The following ULK4 variants were observed in gnomAD, a reference collection of about 807,000 sequenced individuals.
The protein encoded by ULK4 is inactive serine/threonine-protein kinase ULK4.
A neutral mutation model predicts 160.6 loss-of-function variants in ULK4; 133 were observed. That is an observed-to-expected ratio of 0.83 (90% CI 0.72 to 0.96). The LOEUF (loss-of-function observed/expected upper bound fraction) is 0.96. Ranked by LOEUF, ULK4 falls within the 40% of genes least tolerant of loss-of-function variation. ULK4 has a pLI of 0.00. For missense variants in ULK4, 1,580 were observed against 1,499.5 expected (o/e 1.05, Z -0.89); for synonymous variants, 534 against 539.8 (o/e 0.99, Z 0.15).
chr3:41,826,052 C>A (rs1158686747), intron 18 of ULK4, among the ~76,000 whole-genome samples: 1 of 152,062 alleles, frequency 6.6e-6, no homozygotes, highest in Non-Finnish European at 1.5e-5. Flanking sequence ...TCATATCCAG[C>A]CAAACTAAGC....
At chr3:41,946,026 AAG>A (rs1212028580) in intron 2 of ULK4, among the ~76,000 whole-genome samples, 1 of 72,820 alleles carries the variant, frequency 1.4e-5, no homozygotes, top group African/African-American at 2.8e-5. Flanking sequence ...AGTGGGAAGA[AAG>A]AGACGGGCAG....
chr3:41,433,369 T>C (rs2082957484), intron 34 of ULK4, among the ~76,000 whole-genome samples: 1 of 152,196 alleles, frequency 6.6e-6, no homozygotes. Flanking sequence ...AGACAATCTT[T>C]TGATGAGAAT....
intron 36 of ULK4, 58 bp from the exon 37 acceptor site, chr3:41,247,050 C>T: frequency 1.9e-6 from 3 of 1,554,296 alleles, no homozygotes; most frequent in Non-Finnish European, 2.6e-6. Context: ...AAAGTGCTCC[C>T]CCCTTTCAAA....
At chr3:41,478,186 A>C (rs938471000) in intron 32 of ULK4, among the ~76,000 whole-genome samples, 1 of 152,162 alleles carries the variant, frequency 6.6e-6, no homozygotes, top group Admixed American at 6.5e-5. Context: ...GAAGGACATC[A>C]AACACATTTA....
At chr3:41,652,643 A>G (rs1052463870) in intron 30 of ULK4, among the ~76,000 whole-genome samples, 1 of 152,226 alleles carries the variant, frequency 6.6e-6, no homozygotes, top group Non-Finnish European at 1.5e-5. Flanking sequence ...AGTAGTGAAA[A>G]GCAGAAAGAG....
intron 35 of ULK4, among the ~76,000 whole-genome samples, chr3:41,280,956 A>G (rs2079340105): frequency 6.6e-6 from 1 of 152,198 alleles, no homozygotes; most frequent in South Asian, 2.1e-4. Context: ...AGATACAATA[A>G]AAAATGATAA....
Position 41,353,704 on chromosome 3 carries a change from ACTACTACTACTACT to A in ULK4, c.3678+44361_3678+44374del, listed in dbSNP as rs1559540418. On this transcript the variant is annotated intron_variant, in intron 35 of 36. Coordinates refer to ENST00000301831, the MANE Select transcript of ULK4 (RefSeq NM_017886.4). ...AATAATAATAATAATTACAATTACT[ACTACTACTACTACT>A]ACTACTACTACTACTACTACTACTA... 6.3e-3 allele frequency among the ~76,000 whole-genome samples: 316 copies of A among 49,978 alleles called. 1 individual carries two copies. In the East Asian group the frequency reaches 0.087, roughly 14 times the overall value. 32.8% of individuals were successfully genotyped at this position (49,978 alleles called of 152,430 possible). A position where few individuals can be genotyped will look rare whatever the true frequency, so the allele number is the denominator to read the frequency against.
At chr3:41,454,965 A>G (rs2083510702) in intron 34 of ULK4, among the ~76,000 whole-genome samples, 1 of 152,054 alleles carries the variant, frequency 6.6e-6, no homozygotes, top group South Asian at 2.1e-4. Context: ...CCAAAGTGCT[A>G]GGCTAAAACT....
intron 30 of ULK4, among the ~76,000 whole-genome samples, chr3:41,661,976 T>C (rs1431248279): frequency 6.6e-6 from 1 of 152,124 alleles, no homozygotes; most frequent in Non-Finnish European, 1.5e-5. Flanking sequence ...AAACGTGACA[T>C]GTGGAATGAG....
At chr3:41,851,977 A>C (rs892100224) in intron 17 of ULK4, among the ~76,000 whole-genome samples, 1 of 152,190 alleles carries the variant, frequency 6.6e-6, no homozygotes, top group African/African-American at 2.4e-5. Flanking sequence ...TTTTGGAAAG[A>C]TCAACAAAAT....
rs567716659 is a variant in ULK4 at position 41,622,747 on chromosome 3, C to T, written c.3072-7030G>A. On this transcript the variant is annotated intron_variant, in intron 30 of 36. Coordinates refer to ENST00000301831, the MANE Select transcript of ULK4 (RefSeq NM_017886.4). ...AAACTTGCATGTTCTGCACATGTAC[C>T]CCCAAACTTAAAATTTAAAAAAGAA... is the stretch of plus-strand genomic sequence containing the variant. Among the ~76,000 whole-genome samples the T allele has an allele frequency of 2.6e-5, 4 of 152,052 alleles. No homozygotes were observed. In the East Asian group the frequency reaches 7.7e-4, roughly 29 times the overall value.
chr3:41,795,254 G>A (rs573608014), intron 20 of ULK4, among the ~76,000 whole-genome samples: 4 of 152,206 alleles, frequency 2.6e-5, no homozygotes, highest in East Asian at 1.9e-4. Flanking sequence ...TCTATTAACC[G>A]TGCAGGTGCA....
intron 34 of ULK4, among the ~76,000 whole-genome samples, chr3:41,453,492 A>G (rs1417965562): frequency 1.3e-5 from 2 of 152,182 alleles, no homozygotes; most frequent in Non-Finnish European, 2.9e-5. Flanking sequence ...CAATTTTTAC[A>G]TAGCTATATT....
At chr3:41,919,676 T>C (rs1716979) in intron 6 of ULK4, 41 bp downstream of exon 6, 557,511 of 1,519,642 alleles carry the variant, frequency 0.37, 108,798 homozygotes, top group East Asian at 0.63. Context: ...ACCTGGTTTT[T>C]AGTCCAGCTC....
intron 35 of ULK4, among the ~76,000 whole-genome samples, chr3:41,327,707 T>C (rs948571913): frequency 2.6e-5 from 4 of 152,160 alleles, no homozygotes; most frequent in Non-Finnish European, 4.4e-5. Flanking sequence ...AATGCAGTGA[T>C]GCTAATTAGG....
chr3:41,536,525 G>T (rs1033463421), intron 32 of ULK4, among the ~76,000 whole-genome samples: 17 of 152,096 alleles, frequency 1.1e-4, no homozygotes, highest in African/African-American at 3.9e-4. Context: ...TGTTGACTGG[G>T]AATCTTACTG....
chr3:41,774,094 T>C (rs900098648), intron 21 of ULK4, among the ~76,000 whole-genome samples: 26 of 152,180 alleles, frequency 1.7e-4, no homozygotes, highest in South Asian at 6.2e-4. Flanking sequence ...AAGACTTAAA[T>C]GTTAGACCTA....
At chr3:41,747,608 T>C (rs975990293) in intron 22 of ULK4, among the ~76,000 whole-genome samples, 11 of 152,142 alleles carry the variant, frequency 7.2e-5, no homozygotes, top group Non-Finnish European at 1.2e-4. Context: ...TATTTGAAGA[T>C]AGGTGTGTGT....
At chr3:41,941,676 G>A (rs1184827430) in intron 2 of ULK4, among the ~76,000 whole-genome samples, 2 of 142,450 alleles carry the variant, frequency 1.4e-5, no homozygotes, top group African/African-American at 5.2e-5. Flanking sequence ...AGGATCCATT[G>A]AGCCCGGGAA....
Sources: allele counts gnomAD v4.1 joint callset (sites outside exome capture counted in the v4.1 genomes callset), GRCh38; gene constraint gnomAD v4.1.1; transcripts MANE v1.5; gene names NCBI Gene and HGNC (gene_info 2026-07-23, HGNC 2026-07-21).